Variants in TRIM38 observed in about 807,000 individuals in gnomAD.
TRIM38 encodes E3 ubiquitin-protein ligase TRIM38.
TRIM38 carries 35 observed loss-of-function variants against 35.8 expected under a neutral mutation model. The observed-to-expected ratio is 0.98, with a 90% CI of 0.75 to 1.30. The LOEUF is 1.30. Ranked by LOEUF, TRIM38 falls within the 50% of genes most tolerant of loss-of-function variation. The pLI, the probability that TRIM38 is intolerant of heterozygous loss-of-function variation, is 0.00. For missense variants in TRIM38, 545 were observed against 556.9 expected (o/e 0.98, Z 0.21); for synonymous variants, 198 against 204.7 (o/e 0.97, Z 0.28).
intron 7 of TRIM38, among the ~76,000 whole-genome samples, chr6:25,978,483 A>C (rs1003413116): frequency 6.6e-6 from 1 of 152,104 alleles, no homozygotes; most frequent in African/African-American, 2.4e-5. Flanking sequence ...TGATTGGTAC[A>C]TATAATATAT....
In TRIM38 at chr6:25,990,985, G is replaced by A. The variant is rs945189160; in HGVS notation, c.*7298G>A. ...GATAGAGAATAGAAGAGTCCTTCAG[G>A]CCCCTCCAAACTGTCATATTCCGGG... On this transcript the variant is annotated 3_prime_UTR_variant, in exon 8 of 8. Transcript: ENST00000357085. The A allele has an allele frequency of 2.0e-5, 3 of 152,028 alleles. No individual in the cohort carries two copies. Among genetic ancestry groups the A allele is most frequent in the Non-Finnish European group, 4.4e-5 (3 of 68,012 alleles). The allele number at this position is 152,028 out of a possible 1,614,324, so 9.4% of individuals were successfully genotyped here.
chr6:25,967,524 CTTTTTTTTT>C (rs34579913), intron 3 of TRIM38, among the ~76,000 whole-genome samples: 2 of 90,894 alleles, frequency 2.2e-5, no homozygotes, highest in Non-Finnish European at 4.1e-5. Context: ...GGTACCTCTA[CTTTTTTTTT>C]TTTTTTTTTT....
intron 7 of TRIM38, among the ~76,000 whole-genome samples, chr6:25,982,727 T>C (rs1760581098): frequency 6.6e-6 from 1 of 152,246 alleles, no homozygotes; most frequent in Non-Finnish European, 1.5e-5. Flanking sequence ...AGTTAAATGA[T>C]TTGCCTAAGC....
At chr6:25,976,335 A>C (rs916906287) in intron 7 of TRIM38, among the ~76,000 whole-genome samples, 1 of 152,148 alleles carries the variant, frequency 6.6e-6, no homozygotes, top group African/African-American at 2.4e-5. Flanking sequence ...TGGCCCCATC[A>C]TGGCTCCCTG....
intron 2 of TRIM38, among the ~76,000 whole-genome samples, chr6:25,966,058 T>C (rs908182213): frequency 6.6e-6 from 1 of 152,184 alleles, no homozygotes; most frequent in African/African-American, 2.4e-5. Flanking sequence ...TAAGACCCCA[T>C]GTTTAAAAGC....
At position 25,976,784 on chromosome 6, in the gene TRIM38, T is replaced by G. The variant is rs573458135; in HGVS notation, c.874+3499T>G. On this transcript the variant is annotated intron_variant, in intron 7 of 7. Coordinates refer to ENST00000357085, the MANE Select transcript of TRIM38 (RefSeq NM_006355.5). ...ATAATTTTACCAGATACTACAGATC[T>G]TGAAATTGTTCCAATTCTACCCCAC... 1.2e-4 allele frequency among the ~76,000 whole-genome samples: 19 copies of G among 152,340 alleles called. No individual in the cohort carries two copies. The South Asian group carries it at 3.9e-3, about 32-fold the overall frequency.
chr6:25,976,329 C>T (rs1420806528), intron 7 of TRIM38, among the ~76,000 whole-genome samples: 3 of 152,080 alleles, frequency 2.0e-5, no homozygotes, highest in Non-Finnish European at 2.9e-5. Flanking sequence ...GTGCAATGGC[C>T]CCATCATGGC....
In TRIM38 at chr6:25,989,517, T is replaced by TG. The variant is rs1760793204; in HGVS notation, c.*5830_*5831insG. ...TTAGCAAGGTCTTGTATTCTTTTTT[T>TG]TTTTTTTTTTTTTTTTTAATAGAGA... is the stretch of plus-strand genomic sequence containing the variant. On this transcript the variant is annotated 3_prime_UTR_variant, in exon 8 of 8. Coordinates refer to ENST00000357085, the MANE Select transcript of TRIM38 (RefSeq NM_006355.5). The TG allele has an allele frequency of 6.8e-6, 1 of 145,986 alleles. No homozygotes were observed. The highest frequency in any genetic ancestry group is 1.5e-5 in the Non-Finnish European group (1 of 66,276). 9.0% of individuals were successfully genotyped at this position (145,986 alleles called of 1,614,324 possible).
At chr6:25,973,952 A>G (rs2113600513) in intron 7 of TRIM38, 1 of 849,082 alleles carries the variant, frequency 1.2e-6, no homozygotes, top group South Asian at 5.4e-5. Context: ...GGAAAGTTTT[A>G]TCATGATTCA....
Position 25,985,415 on chromosome 6 carries a change from A to C in TRIM38, c.*1728A>C, listed in dbSNP as rs946174152. 6.6e-6 allele frequency: 1 copy of C among 152,060 alleles called. No homozygotes were observed. Among genetic ancestry groups the C allele is most frequent in the South Asian group, 2.1e-4 (1 of 4,824 alleles). 9.4% of individuals were successfully genotyped at this position (152,060 alleles called of 1,614,324 possible). A position where few individuals can be genotyped will look rare whatever the true frequency, so the allele number is the denominator to read the frequency against. ...AAATGTATTCTTTTCTTAAAATGCT[A>C]TATAAGCCCAAGTTCTAAATCCTCT... On this transcript the variant is annotated 3_prime_UTR_variant, in exon 8 of 8. Coordinates refer to ENST00000357085, the MANE Select transcript of TRIM38 (RefSeq NM_006355.5).
intron 7 of TRIM38, among the ~76,000 whole-genome samples, chr6:25,976,276 T>A (rs1225918133): frequency 6.6e-6 from 1 of 152,108 alleles, no homozygotes; most frequent in Non-Finnish European, 1.5e-5. Flanking sequence ...TGTTATTTAC[T>A]TATCTCTTTT....
At chr6:25,976,314 C>T (rs1014795) in intron 7 of TRIM38, among the ~76,000 whole-genome samples, 15,026 of 152,180 alleles carry the variant, frequency 0.099, 1,732 homozygotes, top group East Asian at 0.61. Flanking sequence ...GTCACCCAGG[C>T]TGGAGTGCAA....
intron 2 of TRIM38, among the ~76,000 whole-genome samples, chr6:25,966,069 A>G (rs909927952): frequency 6.6e-6 from 1 of 152,150 alleles, no homozygotes; most frequent in African/African-American, 2.4e-5. Flanking sequence ...GTTTAAAAGC[A>G]TTTTGTTCCT....
At position 25,973,285 on chromosome 6, in the gene TRIM38, G is replaced by A. The variant is rs747739957; in HGVS notation, c.874G>A (p.Val292Ile). ...DVKKMLRSHQ[V>I]SVTLDPDTAH... ...GAAGAAAATGTTAAGGAGTCATCAA[G>A]GTATGTTCACTAAAGAATTCCTGAA... Residue 292 changes from valine to isoleucine, a missense_variant and splice_region_variant, in exon 7 of 8, where the codon GTT (valine) becomes ATT (isoleucine). By Grantham distance (29) the Val-to-Ile change is conservative. Transcript: ENST00000357085. 1.2e-5 allele frequency: 20 copies of A among 1,613,038 alleles called. No individual in the cohort carries two copies. The highest frequency in any genetic ancestry group is 1.7e-5 in the Non-Finnish European group (20 of 1,179,848).
rs1418747209 is a variant in TRIM38 at position 25,986,296 on chromosome 6, A to G, written c.*2609A>G. The G allele has an allele frequency of 6.6e-6, 1 of 152,150 alleles. No homozygotes were observed. The highest frequency in any genetic ancestry group is 1.5e-5 in the Non-Finnish European group (1 of 68,036). The allele number at this position is 152,150 out of a possible 1,614,324, so 9.4% of individuals were successfully genotyped here. A position where few individuals can be genotyped will look rare whatever the true frequency, so the allele number is the denominator to read the frequency against. On this transcript the variant is annotated 3_prime_UTR_variant, in exon 8 of 8. Transcript: ENST00000357085. ...AATCCTGTCACTTTGGGAGGCTGAG[A>G]TGGGAGGATCACTTGAGGCTAGGAG...
rs1262402584 is a variant in TRIM38, at chr6:25,986,832, C to T, written c.*3145C>T. On this transcript the variant is annotated 3_prime_UTR_variant, in exon 8 of 8. Coordinates refer to ENST00000357085, the MANE Select transcript of TRIM38 (RefSeq NM_006355.5). ...TTACCCCTGGGATCCAAGAGAGCCA[C>T]TAAAGTTCCAGCCATCATACTCACA... 6.6e-6 allele frequency: 1 copy of T among 152,080 alleles called. No homozygotes were observed. The highest frequency in any genetic ancestry group is 1.5e-5 in the Non-Finnish European group (1 of 68,030). The allele number at this position is 152,080 out of a possible 1,614,324, so 9.4% of individuals were successfully genotyped here.
rs117559851 is a variant in TRIM38 at position 25,963,819 on chromosome 6, G to A, written c.-189+537G>A. 2.8e-4 allele frequency among the ~76,000 whole-genome samples: 42 copies of A among 152,200 alleles called. 1 individual carries two copies. In the East Asian group the frequency reaches 8.1e-3, roughly 29 times the overall value. On this transcript the variant is annotated intron_variant, in intron 2 of 7. Transcript: ENST00000357085. Reference sequence around the variant, plus strand: ...TCTCTAGCAAGACGTTATTAGCCAGGGAAGTCCCACTTAGGCACCCCTCTC... The same window carrying A: ...TCTCTAGCAAGACGTTATTAGCCAGAGAAGTCCCACTTAGGCACCCCTCTC...
At position 25,972,050 on chromosome 6, in the gene TRIM38, T is replaced by C. The variant is rs1199021914; in HGVS notation, c.689T>C (p.Ile230Thr). Residue 230 changes from isoleucine to threonine, a missense_variant, in exon 5 of 8, where the codon ATC becomes ACC. Ile to Thr is a moderately conservative substitution (Grantham distance 89). Transcript: ENST00000357085. ...GLKSNELKSH[I>T]LELEEKCQGS... ...AAGAGCAATGAACTCAAGAGCCACA[T>C]CCTGGAACTGGAGGAAAAATGTCAG... 6.2e-7 allele frequency: 1 copy of C among 1,614,096 alleles called. No homozygotes were observed. The highest frequency in any genetic ancestry group is 1.1e-5 in the South Asian group (1 of 91,076).
chr6:25,981,827 A>G (rs1016458687), intron 7 of TRIM38, among the ~76,000 whole-genome samples: 24 of 152,224 alleles, frequency 1.6e-4, no homozygotes, highest in Non-Finnish European at 3.1e-4. Flanking sequence ...CTTTCTGCTC[A>G]ACTGTCTCAT....
Sources: allele counts gnomAD v4.1 joint callset (sites outside exome capture counted in the v4.1 genomes callset), GRCh38; gene constraint gnomAD v4.1.1; transcripts MANE v1.5; gene names NCBI Gene and HGNC (gene_info 2026-07-23, HGNC 2026-07-21).